Variants in TMX2 observed in about 807,000 individuals in gnomAD.
The protein encoded by TMX2 is thioredoxin related transmembrane protein 2, also known as thioredoxin-related transmembrane protein 2.
In TMX2, 20 loss-of-function variants were observed where a neutral mutation model predicts 33.4. The ratio of observed to expected loss-of-function variants is 0.60; its 90% CI spans 0.42 to 0.87. The LOEUF (loss-of-function observed/expected upper bound fraction) is 0.87, where lower values mean the gene tolerates loss of function less well. TMX2 is among the 40% of genes least tolerant of loss of function. TMX2 has a pLI of 0.00. For missense variants in TMX2, 340 were observed against 370.7 expected (o/e 0.92, Z 0.68); for synonymous variants, 166 against 140.7 (o/e 1.18, Z -1.27).
intron 5 of TMX2, 26 bp downstream of exon 5, chr11:57,738,796 T>C (rs986534448): frequency 1.2e-5 from 19 of 1,596,826 alleles, no homozygotes; most frequent in Admixed American, 3.3e-5. Context: ...GGAGGGATGG[T>C]GGAAATGGAG....
intron 1 of TMX2, among the ~76,000 whole-genome samples, chr11:57,723,888 A>AT (rs71470288): frequency 1.1e-3 from 156 of 146,050 alleles, no homozygotes; most frequent in African/African-American, 2.8e-3. Context: ...AACTAAATGG[A>AT]TTTTTTTTTT....
At chr11:57,717,476 G>C (rs1442122959) in intron 1 of TMX2, among the ~76,000 whole-genome samples, 1 of 151,976 alleles carries the variant, frequency 6.6e-6, no homozygotes, top group Non-Finnish European at 1.5e-5. Flanking sequence ...CAAGGCTGGC[G>C]GATCACTCGC....
At chr11:57,722,280 G>A (rs980553886) in intron 1 of TMX2, among the ~76,000 whole-genome samples, 1 of 152,174 alleles carries the variant, frequency 6.6e-6, no homozygotes, top group Non-Finnish European at 1.5e-5. Context: ...AGGATTACAG[G>A]TGTGAGCCAC....
intron 1 of TMX2, 150 bp downstream of exon 1, chr11:57,712,957 A>T: frequency 1.2e-6 from 1 of 809,862 alleles, no homozygotes; most frequent in African/African-American, 1.7e-5. Context: ...GGTCCGAACC[A>T]TCATCGAGTC....
At chr11:57,737,506 G>A in intron 1 of TMX2, 102 bp from the exon 2 acceptor site, 1 of 917,976 alleles carries the variant, frequency 1.1e-6, no homozygotes, top group Admixed American at 2.0e-5. Flanking sequence ...CCCATTCCCA[G>A]TTTGGATCGC....
At chr11:57,717,407 G>A (rs1336199309) in intron 1 of TMX2, among the ~76,000 whole-genome samples, 2 of 151,776 alleles carry the variant, frequency 1.3e-5, no homozygotes, top group Non-Finnish European at 2.9e-5. Flanking sequence ...CTCCAGCCTG[G>A]GCACCATTGA....
At chr11:57,715,961 A>G (rs1946968257) in intron 1 of TMX2, among the ~76,000 whole-genome samples, 1 of 152,158 alleles carries the variant, frequency 6.6e-6, no homozygotes, top group African/African-American at 2.4e-5. Context: ...GAACAAAATG[A>G]AAAGTTTCCC....
At chr11:57,722,310 G>T (rs772886542) in intron 1 of TMX2, among the ~76,000 whole-genome samples, 4 of 152,050 alleles carry the variant, frequency 2.6e-5, no homozygotes, top group African/African-American at 4.8e-5. Context: ...CTTCAGTGAA[G>T]GAATTTTTTT....
chr11:57,739,582 A>ACC (rs1215038647), intron 7 of TMX2, among the ~76,000 whole-genome samples: 3 of 152,044 alleles, frequency 2.0e-5, no homozygotes, highest in Non-Finnish European at 4.4e-5. Flanking sequence ...ACATGGAGAA[A>ACC]CCCCGTGTCT....
chr11:57,726,951 G>A (rs1277777785), intron 1 of TMX2, among the ~76,000 whole-genome samples: 1 of 152,300 alleles, frequency 6.6e-6, no homozygotes, highest in East Asian at 1.9e-4. Context: ...AATAGATGAT[G>A]CATGCAGGGT....
chr11:57,738,621 G>A (rs752571639), intron 4 of TMX2, 43 bp from the exon 5 acceptor site: 18 of 1,536,462 alleles, frequency 1.2e-5, no homozygotes, highest in Non-Finnish European at 1.5e-5. Flanking sequence ...CTTCCCAGGA[G>A]GCTATGTGGA....
At chr11:57,736,952 C>T (rs1226879177) in intron 1 of TMX2, among the ~76,000 whole-genome samples, 2 of 151,682 alleles carry the variant, frequency 1.3e-5, no homozygotes, top group Non-Finnish European at 2.9e-5. Context: ...ATCAAGAAAA[C>T]TTACCTGGAA....
chr11:57,715,997 C>G (rs544948858), intron 1 of TMX2, among the ~76,000 whole-genome samples: 1 of 152,220 alleles, frequency 6.6e-6, no homozygotes, highest in Admixed American at 6.5e-5. Flanking sequence ...TACACAGACA[C>G]GGCAACCATC....
intron 1 of TMX2, among the ~76,000 whole-genome samples, chr11:57,735,678 C>T (rs894499071): frequency 2.0e-5 from 3 of 152,118 alleles, no homozygotes; most frequent in African/African-American, 4.8e-5. Context: ...AATAAGCTAT[C>T]GGCAGAGTCA....
At chr11:57,714,600 G>T (rs565166306) in intron 1 of TMX2, among the ~76,000 whole-genome samples, 2 of 151,848 alleles carry the variant, frequency 1.3e-5, no homozygotes. Flanking sequence ...TTAGTTTTTT[G>T]GATTTTTTTT....
chr11:57,725,295 A>G (rs1947906486), intron 1 of TMX2, among the ~76,000 whole-genome samples: 1 of 152,162 alleles, frequency 6.6e-6, no homozygotes, highest in Non-Finnish European at 1.5e-5. Flanking sequence ...GGTATTCTGA[A>G]GACTAGAAAC....
At chr11:57,718,051 C>T (rs989338390) in intron 1 of TMX2, 76 of 1,198,074 alleles carry the variant, frequency 6.3e-5, no homozygotes, top group Non-Finnish European at 9.2e-5. Flanking sequence ...TAGACTTATC[C>T]ACAGTCAGCA....
chr11:57,714,000 G>A (rs1946810945), intron 1 of TMX2, among the ~76,000 whole-genome samples: 1 of 152,228 alleles, frequency 6.6e-6, no homozygotes, highest in South Asian at 2.1e-4. Context: ...TGGACTTTAG[G>A]CAGATAAGGT....
intron 1 of TMX2, among the ~76,000 whole-genome samples, chr11:57,731,582 G>A (rs1473410687): frequency 1.3e-5 from 2 of 151,772 alleles, no homozygotes; most frequent in African/African-American, 4.8e-5. Context: ...CACAGGCCAT[G>A]GTCACTCATA....
Sources: gnomAD v4.1 joint callset for allele counts (sites outside exome capture counted in the v4.1 genomes callset) on GRCh38, gnomAD v4.1.1 for gene constraint, MANE v1.5 for transcripts, NCBI Gene and HGNC (gene_info 2026-07-23, HGNC 2026-07-21) for gene names.